Variants in GALNT17 observed in about 807,000 individuals in gnomAD.
The protein encoded by GALNT17 is polypeptide N-acetylgalactosaminyltransferase 17.
GALNT17 carries 29 observed loss-of-function variants against 63.7 expected under a neutral mutation model. The ratio of observed to expected loss-of-function variants is 0.46; its 90% CI spans 0.34 to 0.62. The LOEUF (loss-of-function observed/expected upper bound fraction) is 0.62, where lower values mean the gene tolerates loss of function less well. GALNT17 is among the 20% of genes least tolerant of loss of function. The pLI is 0.01. For missense variants in GALNT17, 603 were observed against 799.6 expected (o/e 0.75, Z 2.97); for synonymous variants, 305 against 318.3 (o/e 0.96, Z 0.45).
chr7:71,439,962 T>TTG (rs1787035898), intron 5 of GALNT17, among the ~76,000 whole-genome samples: 1 of 150,588 alleles, frequency 6.6e-6, no homozygotes, highest in African/African-American at 2.4e-5. Context: ...TTTTTTTTTT[T>TTG]TGAGACAGAA....
intron 1 of GALNT17, among the ~76,000 whole-genome samples, chr7:71,330,951 C>G (rs1377592708): frequency 1.3e-5 from 2 of 152,140 alleles, no homozygotes; most frequent in African/African-American, 4.8e-5. Flanking sequence ...TGCCACGGCT[C>G]TAGCCTGCTT....
intron 5 of GALNT17, among the ~76,000 whole-genome samples, chr7:71,423,468 A>T (rs557851283): frequency 3.7e-4 from 57 of 152,278 alleles, no homozygotes; most frequent in African/African-American, 1.4e-3. Flanking sequence ...AAGTAGGGAG[A>T]GGCAGGAGAG....
chr7:71,346,449 T>C (rs1366739492), intron 2 of GALNT17, among the ~76,000 whole-genome samples: 1 of 152,112 alleles, frequency 6.6e-6, no homozygotes, highest in Non-Finnish European at 1.5e-5. Flanking sequence ...ATTGATCTCA[T>C]TTAAATTTAA....
chr7:71,156,578 T>A (rs1788238086), intron 1 of GALNT17, among the ~76,000 whole-genome samples: 1 of 108,490 alleles, frequency 9.2e-6, no homozygotes, highest in Non-Finnish European at 1.8e-5. Flanking sequence ...TCACATGAGA[T>A]GTCCTTCCTT....
At chr7:71,428,922 C>T (rs530653482) in intron 5 of GALNT17, among the ~76,000 whole-genome samples, 2 of 152,296 alleles carry the variant, frequency 1.3e-5, no homozygotes, top group South Asian at 2.1e-4. Context: ...GCATGTGTCT[C>T]CACTTCCAGG....
intron 5 of GALNT17, among the ~76,000 whole-genome samples, chr7:71,424,240 G>C (rs1037477739): frequency 2.0e-5 from 3 of 152,204 alleles, no homozygotes; most frequent in Non-Finnish European, 4.4e-5. Context: ...AGATCTCAAA[G>C]GGATGAAACT....
chr7:71,142,646 A>G (rs1787937310), intron 1 of GALNT17, among the ~76,000 whole-genome samples: 3 of 152,260 alleles, frequency 2.0e-5, no homozygotes, highest in African/African-American at 7.2e-5. Flanking sequence ...AGGTCCCTAA[A>G]GAATATTAGA....
intron 6 of GALNT17, among the ~76,000 whole-genome samples, chr7:71,639,849 G>T (rs560260867): frequency 6.6e-6 from 1 of 152,132 alleles, no homozygotes; most frequent in African/African-American, 2.4e-5. Context: ...CTTTCAGAGG[G>T]GGGTGAGCTC....
intron 1 of GALNT17, among the ~76,000 whole-genome samples, chr7:71,211,294 T>G (rs796731139): frequency 1.7e-4 from 26 of 152,298 alleles, no homozygotes; most frequent in African/African-American, 6.0e-4. Context: ...TCTGATGGGT[T>G]TATCAGGGGT....
chr7:71,142,552 G>A (rs142711954), intron 1 of GALNT17, among the ~76,000 whole-genome samples: 382 of 152,362 alleles, frequency 2.5e-3, no homozygotes, highest in Admixed American at 6.6e-3. Flanking sequence ...GATGCTAAGA[G>A]TACAATGAGG....
At chr7:71,670,260 G>GC (rs1225041514) in intron 8 of GALNT17, 151 bp downstream of exon 8, 2 of 1,077,568 alleles carry the variant, frequency 1.9e-6, no homozygotes, top group African/African-American at 3.2e-5. Flanking sequence ...TCTAGCTGGG[G>GC]GGTTGGGGTA....
intron 5 of GALNT17, among the ~76,000 whole-genome samples, chr7:71,478,146 A>T (rs539905221): frequency 1.2e-4 from 18 of 152,148 alleles, no homozygotes; most frequent in Non-Finnish European, 2.4e-4. Context: ...CTAAACATAG[A>T]TGGTGGGAAC....
chr7:71,704,098 C>T (rs1226397836), intron 9 of GALNT17, among the ~76,000 whole-genome samples: 1 of 152,090 alleles, frequency 6.6e-6, no homozygotes, highest in East Asian at 1.9e-4. Flanking sequence ...TCAGTTGGCA[C>T]CTGTCCCTGG....
intron 2 of GALNT17, among the ~76,000 whole-genome samples, chr7:71,377,107 T>TTA (rs1318775392): frequency 1.7e-5 from 1 of 57,750 alleles, no homozygotes; most frequent in African/African-American, 7.4e-5. Context: ...AAAATAAAAA[T>TTA]AAAAAAAATA....
intron 1 of GALNT17, among the ~76,000 whole-genome samples, chr7:71,318,406 A>T: frequency 8.0e-6 from 1 of 124,994 alleles, no homozygotes; most frequent in South Asian, 2.8e-4. Context: ...CCATTCCCTG[A>T]AGCTCTTTTT....
intron 5 of GALNT17, among the ~76,000 whole-genome samples, chr7:71,511,470 T>C (rs2116726674): frequency 6.6e-6 from 1 of 152,300 alleles, no homozygotes; most frequent in South Asian, 2.1e-4. Flanking sequence ...CAGCCTGATC[T>C]GATTTCCTGT....
chr7:71,287,705 T>G (rs59289156), intron 1 of GALNT17, among the ~76,000 whole-genome samples: 11,291 of 152,266 alleles, frequency 0.074, 1,383 homozygotes, highest in African/African-American at 0.25. Flanking sequence ...ATGTATTATA[T>G]GCTGTGTTCT....
chr7:71,695,095 G>A (rs1791520165), intron 9 of GALNT17, among the ~76,000 whole-genome samples: 1 of 152,154 alleles, frequency 6.6e-6, no homozygotes, highest in Non-Finnish European at 1.5e-5. Context: ...ATGTGCTTAG[G>A]AATATTCTCC....
At chr7:71,337,909 C>T (rs1331640424) in intron 2 of GALNT17, among the ~76,000 whole-genome samples, 1 of 151,840 alleles carries the variant, frequency 6.6e-6, no homozygotes, top group Non-Finnish European at 1.5e-5. Flanking sequence ...AACAAAAAAA[C>T]TTGGGGCTGA....
Sources: allele counts gnomAD v4.1 joint callset (sites outside exome capture counted in the v4.1 genomes callset), GRCh38; gene constraint gnomAD v4.1.1; transcripts MANE v1.5; gene names NCBI Gene and HGNC (gene_info 2026-07-23, HGNC 2026-07-21).